Variants in MAPK10 observed in about 807,000 individuals in gnomAD.
MAPK10 encodes mitogen-activated protein kinase 10.
MAPK10 carries 25 observed loss-of-function variants against 59.3 expected under a neutral mutation model. That is an observed-to-expected ratio of 0.42 (90% CI 0.31 to 0.59). MAPK10 has a LOEUF of 0.59. MAPK10 is among the 20% of genes least tolerant of loss of function. The probability of loss-of-function intolerance (pLI) is 0.15; values close to 1 mark genes in which losing one functional copy is unlikely to be tolerated. For synonymous variants in MAPK10, 190 were observed against 200.5 expected (o/e 0.95, Z 0.44); for missense variants, 351 against 568.9 (o/e 0.62, Z 3.90).
At chr4:86,558,203 A>G (rs1454040943) in intron 1 of MAPK10, among the ~76,000 whole-genome samples, 1 of 152,204 alleles carries the variant, frequency 6.6e-6, no homozygotes, top group Non-Finnish European at 1.5e-5. Flanking sequence ...ATACCTAAAT[A>G]AAACACATTT....
intron 2 of MAPK10, among the ~76,000 whole-genome samples, chr4:86,279,611 T>G (rs1227060998): frequency 1.3e-5 from 2 of 152,172 alleles, no homozygotes; most frequent in Non-Finnish European, 2.9e-5. Context: ...AGTACTGTCT[T>G]TTACTTCAGA....
At chr4:86,194,822 T>C (rs1032488841) in intron 2 of MAPK10, among the ~76,000 whole-genome samples, 4 of 151,844 alleles carry the variant, frequency 2.6e-5, no homozygotes, top group Non-Finnish European at 5.9e-5. Context: ...TAGAATTCTA[T>C]ATAGGACTTG....
At chr4:86,439,774 G>A (rs1244918529) in intron 1 of MAPK10, among the ~76,000 whole-genome samples, 1 of 152,000 alleles carries the variant, frequency 6.6e-6, no homozygotes, top group African/African-American at 2.4e-5. Flanking sequence ...AGGTTTGTTT[G>A]TTTCTTGTTT....
At position 86,359,867 on chromosome 4, in the gene MAPK10, A is replaced by G. The variant is rs1479902271; in HGVS notation, c.-331T>C. ...CCCCTAGGAATTGAGGGGTGAGGACAAAAAAGGAAATTTGTAAAAATGAAA... is the reference window on the plus strand; with the variant it reads ...CCCCTAGGAATTGAGGGGTGAGGACGAAAAAGGAAATTTGTAAAAATGAAA... On this transcript the variant is annotated 5_prime_UTR_variant, in exon 1 of 14. Coordinates refer to ENST00000641462, the MANE Select transcript of MAPK10 (RefSeq NM_138982.4). The G allele has an allele frequency of 1.0e-6, 1 of 985,558 alleles. No individual in the cohort carries two copies. The highest frequency in any genetic ancestry group is 1.2e-6 in the Non-Finnish European group (1 of 829,854). The allele number at this position is 985,558 out of a possible 1,614,324, so 61.1% of individuals were successfully genotyped here.
intron 1 of MAPK10, among the ~76,000 whole-genome samples, chr4:86,400,106 A>G (rs544594959): frequency 6.6e-6 from 1 of 152,282 alleles, no homozygotes; most frequent in Admixed American, 6.5e-5. Context: ...TTCACATTTT[A>G]TGGTCATATC....
At chr4:86,550,336 G>T (rs1434674420) in intron 1 of MAPK10, among the ~76,000 whole-genome samples, 1 of 125,630 alleles carries the variant, frequency 8.0e-6, no homozygotes, top group Non-Finnish European at 1.6e-5. Flanking sequence ...AGCTGCAGCA[G>T]CATTATATTA....
intron 4 of MAPK10, among the ~76,000 whole-genome samples, chr4:86,132,883 G>A (rs150010386): frequency 7.8e-4 from 119 of 152,254 alleles, no homozygotes; most frequent in Non-Finnish European, 1.3e-3. Context: ...TCTACATTAT[G>A]ATGAGTTGTA....
At chr4:86,083,415 C>A (rs1193962184) in intron 9 of MAPK10, among the ~76,000 whole-genome samples, 1 of 152,154 alleles carries the variant, frequency 6.6e-6, no homozygotes, top group Non-Finnish European at 1.5e-5. Flanking sequence ...GAAATGAACT[C>A]AGTGCTGCCC....
chr4:86,335,330 T>C (rs1260166753), intron 2 of MAPK10, among the ~76,000 whole-genome samples: 1 of 152,244 alleles, frequency 6.6e-6, no homozygotes, highest in Non-Finnish European at 1.5e-5. Flanking sequence ...AATGCCATTA[T>C]ATGAAACAAG....
chr4:86,191,430 T>G (rs958783784), intron 3 of MAPK10, among the ~76,000 whole-genome samples: 5 of 152,246 alleles, frequency 3.3e-5, no homozygotes, highest in Non-Finnish European at 5.9e-5. Context: ...CAGGTGCTCC[T>G]GTATTGGGTG....
At chr4:86,259,470 A>T (rs1328446990) in intron 2 of MAPK10, among the ~76,000 whole-genome samples, 1 of 152,144 alleles carries the variant, frequency 6.6e-6, no homozygotes, top group Non-Finnish European at 1.5e-5. Flanking sequence ...GTTAAATAAG[A>T]TATTTTACCA....
At chr4:86,261,546 C>G (rs370331912) in intron 2 of MAPK10, among the ~76,000 whole-genome samples, 1 of 152,136 alleles carries the variant, frequency 6.6e-6, no homozygotes, top group African/African-American at 2.4e-5. Flanking sequence ...AGATCTATTC[C>G]CTTGACAACC....
intron 1 of MAPK10, among the ~76,000 whole-genome samples, chr4:86,437,033 A>G (rs1198549011): frequency 6.6e-6 from 1 of 152,064 alleles, no homozygotes; most frequent in Non-Finnish European, 1.5e-5. Context: ...TAACACGGTG[A>G]AACCACATCT....
intron 2 of MAPK10, among the ~76,000 whole-genome samples, chr4:86,290,023 G>A (rs2095170530): frequency 6.6e-6 from 1 of 151,640 alleles, no homozygotes; most frequent in African/African-American, 2.4e-5. Flanking sequence ...CTGTGTAGAT[G>A]AAATGTTAAG....
chr4:86,407,661 TA>T (rs79401572), intron 1 of MAPK10, among the ~76,000 whole-genome samples: 28,266 of 152,164 alleles, frequency 0.19, 2,715 homozygotes, highest in South Asian at 0.28. Flanking sequence ...TCAATGTTTA[TA>T]AAATTTGTGA....
intron 1 of MAPK10, among the ~76,000 whole-genome samples, chr4:86,585,909 C>G (rs114629265): frequency 0.016 from 2,486 of 152,198 alleles, 74 homozygotes; most frequent in African/African-American, 0.058. Context: ...CCTAACAAAG[C>G]CTTTAATTAT....
chr4:86,169,283 T>A (rs2073161752), intron 3 of MAPK10, among the ~76,000 whole-genome samples: 1 of 152,042 alleles, frequency 6.6e-6, no homozygotes, highest in Non-Finnish European at 1.5e-5. Flanking sequence ...AGGAGGAAAT[T>A]CAAACCAAAG....
At chr4:86,346,582 T>C (rs2904099) in intron 2 of MAPK10, among the ~76,000 whole-genome samples, 109,600 of 151,990 alleles carry the variant, frequency 0.72, 40,305 homozygotes, top group South Asian at 0.9. Flanking sequence ...AGATGAAATA[T>C]GGTCATTCCT....
At chr4:86,153,570 GAC>G (rs1439574989) in intron 4 of MAPK10, among the ~76,000 whole-genome samples, 2 of 152,088 alleles carry the variant, frequency 1.3e-5, no homozygotes, top group Non-Finnish European at 2.9e-5. Flanking sequence ...ATTTATGGTT[GAC>G]ACATAGAAAT....
Sources: gnomAD v4.1 joint callset for allele counts (sites outside exome capture counted in the v4.1 genomes callset) on GRCh38, gnomAD v4.1.1 for gene constraint, MANE v1.5 for transcripts, NCBI Gene and HGNC (gene_info 2026-07-23, HGNC 2026-07-21) for gene names.